The following EIF4EBP1 variants were observed in gnomAD, a reference collection of about 807,000 sequenced individuals.
The protein encoded by EIF4EBP1 is eukaryotic translation initiation factor 4E binding protein 1.
In EIF4EBP1, 5 loss-of-function variants were observed where a neutral mutation model predicts 9.2. The ratio of observed to expected loss-of-function variants is 0.54; its 90% CI spans 0.28 to 1.14. The LOEUF (loss-of-function observed/expected upper bound fraction) is 1.14, where lower values mean the gene tolerates loss of function less well. Ranked by LOEUF, EIF4EBP1 falls within the 50% of genes most tolerant of loss-of-function variation. The pLI, the probability that EIF4EBP1 is intolerant of heterozygous loss-of-function variation, is 0.09. For synonymous variants in EIF4EBP1, 62 were observed against 67.0 expected (o/e 0.93, Z 0.36); for missense variants, 139 against 169.6 (o/e 0.82, Z 1.00).
At chr8:38,052,733 A>T (rs1409221114) in intron 1 of EIF4EBP1, among the ~76,000 whole-genome samples, 3 of 151,738 alleles carry the variant, frequency 2.0e-5, no homozygotes, top group African/African-American at 4.8e-5. Flanking sequence ...AAAAAAAAAA[A>T]TTGTAGATAA....
intron 1 of EIF4EBP1, among the ~76,000 whole-genome samples, chr8:38,049,639 G>A (rs1809492623): frequency 6.6e-6 from 1 of 151,456 alleles, no homozygotes; most frequent in Admixed American, 6.6e-5. Flanking sequence ...ACACCACCAT[G>A]CCTGGCTAAT....
intron 1 of EIF4EBP1, among the ~76,000 whole-genome samples, chr8:38,044,249 A>G (rs1170573541): frequency 6.6e-6 from 1 of 152,102 alleles, no homozygotes; most frequent in Non-Finnish European, 1.5e-5. Context: ...CCCCAGGGGA[A>G]AGTGAGGGCC....
In EIF4EBP1 at chr8:38,030,678, C is replaced by T. The variant is rs1295637069; in HGVS notation, c.105C>T (p.Ser35=). 2 of 1,487,950 alleles carry T rather than the reference C, an allele frequency of 1.3e-6. No individual in the cohort carries two copies. The highest frequency in any genetic ancestry group is 4.4e-5 in the Admixed American group (2 of 45,634). 92.2% of individuals were successfully genotyped at this position (1,487,950 alleles called of 1,614,324 possible). The part of the protein sequence containing the change: ...DGVQLPPGDY[S]TTPGGTLFST... ...TGCAGCTCCCGCCCGGGGACTACAG[C>T]ACGACCCCCGGCGGCACGCTCTTCA... is the stretch of plus-strand genomic sequence containing the variant. The change falls in exon 1 of 3, where the codon AGC becomes AGT. Residue 35 remains serine, a synonymous_variant. Transcript: ENST00000338825.
chr8:38,043,468 G>A (rs749301750), intron 1 of EIF4EBP1, among the ~76,000 whole-genome samples: 4 of 150,882 alleles, frequency 2.7e-5, no homozygotes, highest in East Asian at 3.9e-4. Context: ...GGATTCAAGC[G>A]ATTCTCCTGC....
intron 1 of EIF4EBP1, among the ~76,000 whole-genome samples, chr8:38,033,259 G>T (rs1809250764): frequency 6.6e-6 from 1 of 151,366 alleles, no homozygotes; most frequent in Non-Finnish European, 1.5e-5. Flanking sequence ...TAGAGACGGG[G>T]GTTTCACCAT....
At chr8:38,057,627 T>C (rs1204974625) in intron 2 of EIF4EBP1, among the ~76,000 whole-genome samples, 1 of 152,218 alleles carries the variant, frequency 6.6e-6, no homozygotes, top group Non-Finnish European at 1.5e-5. Flanking sequence ...ATGATGTTTG[T>C]GGTGCAAGAG....
chr8:38,038,022 C>T (rs1361771133), intron 1 of EIF4EBP1, among the ~76,000 whole-genome samples: 5 of 151,748 alleles, frequency 3.3e-5, no homozygotes, highest in Non-Finnish European at 7.4e-5. Flanking sequence ...GATCCACCAC[C>T]TCAGCCTCCC....
intron 1 of EIF4EBP1, among the ~76,000 whole-genome samples, chr8:38,045,891 A>G (rs1253126562): frequency 2.6e-5 from 4 of 151,478 alleles, no homozygotes; most frequent in East Asian, 3.9e-4. Context: ...GACATGCACC[A>G]CAACACCTGA....
At chr8:38,042,005 A>G (rs988428942) in intron 1 of EIF4EBP1, among the ~76,000 whole-genome samples, 9 of 151,868 alleles carry the variant, frequency 5.9e-5, no homozygotes, top group African/African-American at 2.2e-4. Context: ...AGAAAAAAAA[A>G]AAGCAAACCA....
intron 1 of EIF4EBP1, among the ~76,000 whole-genome samples, chr8:38,030,979 C>T (rs1248394294): frequency 6.6e-6 from 1 of 152,190 alleles, no homozygotes; most frequent in East Asian, 1.9e-4. Context: ...CAAACACGCA[C>T]GCCTCCAGGA....
intron 1 of EIF4EBP1, among the ~76,000 whole-genome samples, chr8:38,033,785 C>T (rs1222083222): frequency 5.5e-5 from 6 of 109,896 alleles, no homozygotes; most frequent in Non-Finnish European, 1.0e-4. Flanking sequence ...TTCGCTTTGT[C>T]GCCCAAGCTG....
chr8:38,056,939 G>T, intron 1 of EIF4EBP1, 142 bp from the exon 2 acceptor site: 1 of 800,574 alleles, frequency 1.2e-6, no homozygotes, highest in Admixed American at 2.2e-5. Context: ...CTGGGATTAT[G>T]GGCATGAGCC....
At chr8:38,058,071 A>T (rs1265530683) in intron 2 of EIF4EBP1, among the ~76,000 whole-genome samples, 1 of 152,198 alleles carries the variant, frequency 6.6e-6, no homozygotes, top group Non-Finnish European at 1.5e-5. Flanking sequence ...CAGCAGCAGA[A>T]TTAATCTCCC....
chr8:38,047,555 A>G (rs1388938179), intron 1 of EIF4EBP1, among the ~76,000 whole-genome samples: 1 of 151,260 alleles, frequency 6.6e-6, no homozygotes, highest in African/African-American at 2.4e-5. Context: ...TGCGATCTCA[A>G]CTCACTGCAA....
chr8:38,042,471 G>A (rs1809395443), intron 1 of EIF4EBP1, among the ~76,000 whole-genome samples: 1 of 152,102 alleles, frequency 6.6e-6, no homozygotes, highest in Non-Finnish European at 1.5e-5. Context: ...ACCACAGATT[G>A]GGTGCTTTAA....
In EIF4EBP1 at chr8:38,033,062, CTTTTTTTTTTTT is replaced by C. The variant is rs765781155; in HGVS notation, c.145+2353_145+2364del. Among the ~76,000 whole-genome samples the C allele has an allele frequency of 2.4e-5, 3 of 125,454 alleles. No individual in the cohort carries two copies. The South Asian group carries it at 7.4e-4, about 31-fold the overall frequency. The allele number at this position is 125,454 out of a possible 152,430, so 82.3% of individuals were successfully genotyped here. ...CAGCATTTCTTTCTTTTCTTTCTTT[CTTTTTTTTTTTT>C]TTTTTTTTGAGACAGGGTCTCACTC... On this transcript the variant is annotated intron_variant, in intron 1 of 2. Transcript: ENST00000338825.
At chr8:38,058,523 A>T (rs1809627239) in intron 2 of EIF4EBP1, among the ~76,000 whole-genome samples, 1 of 152,210 alleles carries the variant, frequency 6.6e-6, no homozygotes, top group Admixed American at 6.5e-5. Flanking sequence ...AAGTTTCTGT[A>T]TGAATTTCAA....
intron 1 of EIF4EBP1, among the ~76,000 whole-genome samples, chr8:38,046,114 G>T (rs898237239): frequency 2.0e-5 from 3 of 152,074 alleles, no homozygotes; most frequent in Admixed American, 2.0e-4. Context: ...TGTTGGTCAG[G>T]CTGGTCTCAA....
chr8:38,052,106 C>G (rs1371675637), intron 1 of EIF4EBP1, among the ~76,000 whole-genome samples: 1 of 152,174 alleles, frequency 6.6e-6, no homozygotes, highest in Non-Finnish European at 1.5e-5. Context: ...AACACACACA[C>G]AGGTTTCTGT....
Sources: gnomAD v4.1 joint callset for allele counts (sites outside exome capture counted in the v4.1 genomes callset) on GRCh38, gnomAD v4.1.1 for gene constraint, MANE v1.5 for transcripts, NCBI Gene and HGNC (gene_info 2026-07-23, HGNC 2026-07-21) for gene names.